Variants in GRM8 observed in about 807,000 individuals in gnomAD.
The protein encoded by GRM8 is glutamate metabotropic receptor 8.
Under a neutral mutation model 87.2 loss-of-function variants are expected in GRM8, and 47 were observed. That is an observed-to-expected ratio of 0.54 (90% CI 0.43 to 0.69). GRM8 has a LOEUF of 0.69. Ranked by LOEUF, GRM8 falls within the 30% of genes least tolerant of loss-of-function variation. The pLI is 0.00. For synonymous variants in GRM8, 396 were observed against 404.5 expected, an observed-to-expected ratio of 0.98 and a Z score of 0.25; for missense variants, 1,019 against 1,139.2, an observed-to-expected ratio of 0.89 and a Z score of 1.52.
chr7:126,982,988 C>T (rs1485881442), intron 3 of GRM8, among the ~76,000 whole-genome samples: 1 of 152,178 alleles, frequency 6.6e-6, no homozygotes, highest in Non-Finnish European at 1.5e-5. Flanking sequence ...GCATACCCTT[C>T]CTTACCTCTG....
chr7:126,779,256 GTTAT>G (rs1176202557), intron 6 of GRM8, among the ~76,000 whole-genome samples: 2 of 151,980 alleles, frequency 1.3e-5, no homozygotes, highest in Non-Finnish European at 2.9e-5. Context: ...TTCTCCCAGT[GTTAT>G]TTATTACATG....
At chr7:126,560,221 C>T (rs1450893446) in intron 8 of GRM8, among the ~76,000 whole-genome samples, 1 of 152,112 alleles carries the variant, frequency 6.6e-6, no homozygotes, top group Non-Finnish European at 1.5e-5. Context: ...ATATAAGTCA[C>T]TGATTTTTTA....
At chr7:126,676,823 T>A (rs1419252771) in intron 7 of GRM8, among the ~76,000 whole-genome samples, 1 of 152,196 alleles carries the variant, frequency 6.6e-6, no homozygotes, top group Non-Finnish European at 1.5e-5. Flanking sequence ...GGCAATGAAT[T>A]TGTGGCTAAG....
At chr7:126,609,254 GA>G in intron 8 of GRM8, 107 bp downstream of exon 8, 2 of 711,210 alleles carry the variant, frequency 2.8e-6, no homozygotes, top group Non-Finnish European at 4.5e-6. Flanking sequence ...CATTTTCTAA[GA>G]GTTTATTTAT....
intron 2 of GRM8, among the ~76,000 whole-genome samples, chr7:127,227,795 A>T (rs1239218345): frequency 3.3e-5 from 5 of 152,200 alleles, no homozygotes; most frequent in South Asian, 4.1e-4. Context: ...AAAGGAACAC[A>T]ACGTTTCTGG....
intron 9 of GRM8, among the ~76,000 whole-genome samples, chr7:126,464,421 A>G (rs1169935788): frequency 1.3e-5 from 2 of 151,560 alleles, no homozygotes; most frequent in African/African-American, 4.8e-5. Flanking sequence ...TTTTGAATCG[A>G]TTCTGTCACT....
At chr7:127,245,562 A>G (rs955082628) in intron 1 of GRM8, among the ~76,000 whole-genome samples, 1 of 152,240 alleles carries the variant, frequency 6.6e-6, no homozygotes, top group African/African-American at 2.4e-5. Context: ...CAGTCCAGAA[A>G]GTAATAAAAT....
intron 2 of GRM8, among the ~76,000 whole-genome samples, chr7:127,112,714 G>T (rs1826446893): frequency 6.6e-6 from 1 of 152,146 alleles, no homozygotes; most frequent in African/African-American, 2.4e-5. Flanking sequence ...TGGAATTCCA[G>T]TTCAAATCAC....
intron 7 of GRM8, among the ~76,000 whole-genome samples, chr7:126,701,428 A>G (rs1809915527): frequency 6.6e-6 from 1 of 152,188 alleles, no homozygotes; most frequent in Non-Finnish European, 1.5e-5. Context: ...TTCTTATCTC[A>G]TGGTTCTTAA....
rs369542968 is a variant in GRM8 at position 126,467,885 on chromosome 7, A to G, written c.2431-21513T>C. 1.4e-4 allele frequency among the ~76,000 whole-genome samples: 22 copies of G among 152,152 alleles called. No homozygotes were observed. The East Asian group carries it at 2.3e-3, about 16-fold the overall frequency. ...TGGTTGTGATACTCAATAAACTTCC[A>G]TTTACCATTCTCAGAACATATCCAT... is the stretch of plus-strand genomic sequence containing the variant. On this transcript the variant is annotated intron_variant, in intron 9 of 10. Coordinates refer to ENST00000339582, the MANE Select transcript of GRM8 (RefSeq NM_000845.3).
At chr7:126,623,316 G>A (rs1800362671) in intron 7 of GRM8, among the ~76,000 whole-genome samples, 1 of 151,966 alleles carries the variant, frequency 6.6e-6, no homozygotes, top group Admixed American at 6.6e-5. Flanking sequence ...TTTTAATGGT[G>A]ACATTAATTT....
intron 3 of GRM8, among the ~76,000 whole-genome samples, chr7:127,030,691 T>C (rs1375671001): frequency 6.6e-6 from 1 of 152,096 alleles, no homozygotes; most frequent in African/African-American, 2.4e-5. Context: ...ATGAAACCCA[T>C]AACATGCTGA....
chr7:126,804,702 C>T (rs925091420), intron 6 of GRM8, among the ~76,000 whole-genome samples: 27 of 152,298 alleles, frequency 1.8e-4, no homozygotes, highest in African/African-American at 6.0e-4. Context: ...ACAAATAGTG[C>T]CCCTTTCTTT....
intron 8 of GRM8, among the ~76,000 whole-genome samples, chr7:126,595,957 T>A (rs1797147360): frequency 6.6e-6 from 1 of 152,084 alleles, no homozygotes; most frequent in Admixed American, 6.5e-5. Context: ...GACAATATGG[T>A]GAAACCATGT....
At chr7:126,679,540 A>T (rs778463836) in intron 7 of GRM8, among the ~76,000 whole-genome samples, 3 of 152,236 alleles carry the variant, frequency 2.0e-5, no homozygotes, top group Non-Finnish European at 4.4e-5. Flanking sequence ...CATCAACCAT[A>T]TGCCAGATAG....
intron 7 of GRM8, among the ~76,000 whole-genome samples, chr7:126,703,281 G>A (rs1481726391): frequency 6.6e-6 from 1 of 152,202 alleles, no homozygotes; most frequent in South Asian, 2.1e-4. Flanking sequence ...GAAGGTAGAT[G>A]TGCTGTAATT....
At chr7:127,178,415 T>C (rs945628024) in intron 2 of GRM8, among the ~76,000 whole-genome samples, 4 of 152,166 alleles carry the variant, frequency 2.6e-5, no homozygotes, top group Non-Finnish European at 5.9e-5. Context: ...TCTAAAACCT[T>C]GGAAAACATA....
At chr7:127,135,830 A>G (rs546593714) in intron 2 of GRM8, among the ~76,000 whole-genome samples, 48 of 152,262 alleles carry the variant, frequency 3.2e-4, no homozygotes, top group Middle Eastern at 3.4e-3. Context: ...TTTCTGGCAA[A>G]TAGATCTTAA....
intron 2 of GRM8, among the ~76,000 whole-genome samples, chr7:127,125,800 A>ACACACACACACACACACAC (rs1491333155): frequency 6.8e-6 from 1 of 146,902 alleles, no homozygotes; most frequent in Admixed American, 6.7e-5. Context: ...ACACACACAC[A>ACACACACACACACACACAC]AATAACTATT....
Sources: allele counts gnomAD v4.1 joint callset (sites outside exome capture counted in the v4.1 genomes callset), GRCh38; gene constraint gnomAD v4.1.1; transcripts MANE v1.5; gene names NCBI Gene and HGNC (gene_info 2026-07-23, HGNC 2026-07-21).